Variants in PDZRN3 observed in about 807,000 individuals in gnomAD.
PDZRN3 encodes PDZ domain containing ring finger 3, also known as E3 ubiquitin-protein ligase PDZRN3.
PDZRN3 carries 38 observed loss-of-function variants against 85.7 expected under a neutral mutation model. That is an observed-to-expected ratio of 0.44 (90% CI 0.34 to 0.58). The LOEUF is 0.58. PDZRN3 is among the 20% of genes least tolerant of loss of function. The pLI, the probability that PDZRN3 is intolerant of heterozygous loss-of-function variation, is 0.01. For synonymous variants in PDZRN3, 759 were observed against 638.0 expected, an observed-to-expected ratio of 1.19 and a Z score of -2.86; for missense variants, 1,629 against 1,506.4, an observed-to-expected ratio of 1.08 and a Z score of -1.35.
intron 3 of PDZRN3, among the ~76,000 whole-genome samples, chr3:73,453,644 T>C (rs1378349535): frequency 2.0e-5 from 3 of 151,932 alleles, no homozygotes; most frequent in Non-Finnish European, 2.9e-5. Flanking sequence ...AGAATGATTT[T>C]GTAGAATTAG....
chr3:73,472,963 T>A (rs1703375312), intron 3 of PDZRN3, among the ~76,000 whole-genome samples: 1 of 152,192 alleles, frequency 6.6e-6, no homozygotes, highest in Admixed American at 6.5e-5. Context: ...CTTTGTCTGT[T>A]TATATAGATT....
intron 3 of PDZRN3, among the ~76,000 whole-genome samples, chr3:73,503,983 C>T (rs1704027140): frequency 6.6e-6 from 1 of 152,150 alleles, no homozygotes; most frequent in African/African-American, 2.4e-5. Context: ...CCATGTGACT[C>T]CTTTTCTGTA....
intron 1 of PDZRN3, among the ~76,000 whole-genome samples, chr3:73,614,724 T>C (rs1213309087): frequency 6.6e-6 from 1 of 152,006 alleles, no homozygotes; most frequent in African/African-American, 2.4e-5. Context: ...GAGATGGGAG[T>C]TGAGGGGACC....
chr3:73,519,612 G>A lies in PDZRN3; in HGVS notation c.918+82742C>T, dbSNP rs75641304. Among the ~76,000 whole-genome samples, 159 of 152,296 alleles carry A rather than the reference G, an allele frequency of 1.0e-3. 2 individuals are homozygous for A. The East Asian group carries it at 0.02, about 19-fold the overall frequency. On this transcript the variant is annotated intron_variant, in intron 3 of 9. Coordinates refer to ENST00000263666, the MANE Select transcript of PDZRN3 (RefSeq NM_015009.3). ...ATACCCCCAGCTTTTGCAAAATTGG[G>A]TTAGGCAGCCCATGTCCAGGCATGT...
chr3:73,433,987 C>A lies in PDZRN3; in HGVS notation c.919-29592G>T, dbSNP rs527852385. 9.5e-5 allele frequency: 122 copies of A among 1,280,694 alleles called. 1 individual carries two copies. The South Asian group carries it at 2.9e-3, about 30-fold the overall frequency. The allele number at this position is 1,280,694 out of a possible 1,614,324, so 79.3% of individuals were successfully genotyped here. A position where few individuals can be genotyped will look rare whatever the true frequency, so the allele number is the denominator to read the frequency against. ...ACACCACTCCCTCCTCTGAGTGACT[C>A]TGGCAGCTGGATTGTGGTCCAATGC... On this transcript the variant is annotated intron_variant, in intron 3 of 9. Transcript: ENST00000263666.
At chr3:73,401,326 C>T (rs547563707) in intron 4 of PDZRN3, among the ~76,000 whole-genome samples, 25 of 152,264 alleles carry the variant, frequency 1.6e-4, no homozygotes, top group African/African-American at 2.9e-4. Context: ...TCCATCTCTA[C>T]GCAGGAAACA....
At chr3:73,474,761 A>G in intron 3 of PDZRN3, 1 of 349,206 alleles carries the variant, frequency 2.9e-6, no homozygotes. Context: ...AAGGGGGGAA[A>G]ATGGGCCATA....
intron 3 of PDZRN3, among the ~76,000 whole-genome samples, chr3:73,543,500 T>A (rs1055340470): frequency 2.6e-5 from 4 of 152,198 alleles, no homozygotes; most frequent in Non-Finnish European, 4.4e-5. Flanking sequence ...ATGGAAGAAT[T>A]TATTCTCGCA....
intron 3 of PDZRN3, among the ~76,000 whole-genome samples, chr3:73,503,995 A>G (rs1459204623): frequency 1.3e-5 from 2 of 152,198 alleles, no homozygotes; most frequent in African/African-American, 4.8e-5. Context: ...TTTTCTGTAG[A>G]GAATAGAGTT....
intron 5 of PDZRN3, among the ~76,000 whole-genome samples, chr3:73,393,264 CT>C (rs547286109): frequency 4.5e-4 from 68 of 152,252 alleles, no homozygotes; most frequent in Non-Finnish European, 8.7e-4. Flanking sequence ...CAAGTTGCAA[CT>C]TTTTCTGAAT....
intron 3 of PDZRN3, among the ~76,000 whole-genome samples, chr3:73,491,501 T>C (rs568164775): frequency 3.1e-4 from 47 of 151,648 alleles, no homozygotes; most frequent in African/African-American, 1.1e-3. Context: ...GAGAGGAGTA[T>C]GAGGTCATGG....
chr3:73,478,698 TG>T (rs1444406386), intron 3 of PDZRN3, among the ~76,000 whole-genome samples: 1 of 152,174 alleles, frequency 6.6e-6, no homozygotes, highest in African/African-American at 2.4e-5. Context: ...CCAAGAAGGT[TG>T]GGGACCACTG....
chr3:73,624,368 C>G lies in PDZRN3; in HGVS notation c.458G>C (p.Gly153Ala). Reference sequence around the variant, plus strand: ...GCAGTGGCCGCCCGCGCGCTGCTCGCCGTGCGTCAAGGGTAGCCCGCAGCC... The same window carrying G: ...GCAGTGGCCGCCCGCGCGCTGCTCGGCGTGCGTCAAGGGTAGCCCGCAGCC... ...QEGCGLPLTH[G>A]EQRAGGHCCA... Residue 153 changes from glycine to alanine, a missense_variant, in exon 1 of 10, where the codon GGC (glycine) becomes GCC (alanine). Coordinates refer to ENST00000263666, the MANE Select transcript of PDZRN3 (RefSeq NM_015009.3). 7.7e-7 allele frequency: 1 copy of G among 1,302,554 alleles called. No homozygotes were observed. Among genetic ancestry groups the G allele is most frequent in the Non-Finnish European group, 9.7e-7 (1 of 1,031,918 alleles). 80.7% of individuals were successfully genotyped at this position (1,302,554 alleles called of 1,614,324 possible).
Position 73,624,598 on chromosome 3 carries a change from G to T in PDZRN3, c.228C>A (p.Leu76=). Residue 76 remains leucine (L), a synonymous_variant, in exon 1 of 10, where the codon CTC becomes CTA. Coordinates refer to ENST00000263666, the MANE Select transcript of PDZRN3 (RefSeq NM_015009.3). ...NHVLPLKRLI[L]KLDIKCAYAT... ...CGTACGCGCACTTGATGTCCAGCTT[G>T]AGGATAAGGCGCTTGAGCGGCAGGA... is the stretch of plus-strand genomic sequence containing the variant. 6.4e-7 allele frequency: 1 copy of T among 1,556,990 alleles called. No homozygotes were observed.
rs148475670 is a variant in PDZRN3 at position 73,464,986 on chromosome 3, T to C, written c.919-60591A>G. Among the ~76,000 whole-genome samples, 560 of 152,358 alleles carry C rather than the reference T, an allele frequency of 3.7e-3. 17 individuals are homozygous for C. Among genetic ancestry groups the C allele is most frequent in the Admixed American group, 0.033 (505 of 15,292 alleles). Reference sequence around the variant, plus strand: ...TATTCCTCTTATTTAAGTGAAAATTTGTAACCTTTGACCAACGTCTTCCCA... The same window carrying C: ...TATTCCTCTTATTTAAGTGAAAATTCGTAACCTTTGACCAACGTCTTCCCA... On this transcript the variant is annotated intron_variant, in intron 3 of 9. Transcript: ENST00000263666.
intron 3 of PDZRN3, among the ~76,000 whole-genome samples, chr3:73,452,709 T>G (rs1291957281): frequency 6.6e-6 from 1 of 152,168 alleles, no homozygotes; most frequent in Non-Finnish European, 1.5e-5. Flanking sequence ...TTACTTGGTT[T>G]TAAGTTGTGA....
At chr3:73,618,778 T>C (rs1702805728) in intron 1 of PDZRN3, among the ~76,000 whole-genome samples, 1 of 152,246 alleles carries the variant, frequency 6.6e-6, no homozygotes, top group South Asian at 2.1e-4. Flanking sequence ...TAATCCAGTG[T>C]AGCTGGGTAA....
At chr3:73,512,406 C>T (rs1357637006) in intron 3 of PDZRN3, among the ~76,000 whole-genome samples, 2 of 152,192 alleles carry the variant, frequency 1.3e-5, no homozygotes, top group Admixed American at 6.5e-5. Flanking sequence ...AAGGCTAAAA[C>T]GTACACGCTA....
chr3:73,511,013 T>C (rs551981383), intron 3 of PDZRN3, among the ~76,000 whole-genome samples: 1 of 152,208 alleles, frequency 6.6e-6, no homozygotes, highest in East Asian at 1.9e-4. Context: ...AGTTCTGACA[T>C]GAAAATATGA....
Sources: gnomAD v4.1 joint callset for allele counts (sites outside exome capture counted in the v4.1 genomes callset) on GRCh38, gnomAD v4.1.1 for gene constraint, MANE v1.5 for transcripts, NCBI Gene and HGNC (gene_info 2026-07-23, HGNC 2026-07-21) for gene names.